The following LEF1 variants were observed in gnomAD, a reference collection of about 807,000 sequenced individuals.
The protein encoded by LEF1 is lymphoid enhancer-binding factor 1.
LEF1 carries 14 observed loss-of-function variants against 51.2 expected under a neutral mutation model. That is an observed-to-expected ratio of 0.27 (90% confidence interval 0.18 to 0.43). The LOEUF (loss-of-function observed/expected upper bound fraction) is 0.43. Ranked by LOEUF, LEF1 falls within the 20% of genes least tolerant of loss-of-function variation. The pLI is 1.00. For synonymous variants in LEF1, 185 were observed against 183.2 expected, an observed-to-expected ratio of 1.01 and a Z score of -0.08; for missense variants, 386 against 512.0, an observed-to-expected ratio of 0.75 and a Z score of 2.37.
chr4:108,064,361 T>C lies in LEF1; in HGVS notation c.1140A>G (p.Arg380=). 6.2e-7 allele frequency: 1 copy of C among 1,612,092 alleles called. No homozygotes were observed. Among genetic ancestry groups the C allele is most frequent in the South Asian group, 1.1e-5 (1 of 90,972 alleles). ...DNYGKKKKRK[R]EKLQESASGT... ...CTGATGCAGATTCCTGTAGTTTCTC[T>C]CTCTTCCTCTTCTTTTTCTTACCCT... The change falls in exon 10 of 12, where the codon AGA becomes AGG. Residue 380 remains arginine, a synonymous_variant. Coordinates refer to ENST00000265165, the MANE Select transcript of LEF1 (RefSeq NM_016269.5).
intron 3 of LEF1, among the ~76,000 whole-genome samples, chr4:108,118,771 C>T (rs1022896932): frequency 6.6e-5 from 10 of 152,102 alleles, no homozygotes; most frequent in African/African-American, 2.2e-4. Context: ...TGTACTGAAC[C>T]TGTGTGGTTA....
At chr4:108,117,528 A>G (rs532079789) in intron 3 of LEF1, among the ~76,000 whole-genome samples, 133 of 152,370 alleles carry the variant, frequency 8.7e-4, no homozygotes, top group African/African-American at 3.0e-3. Context: ...GCTACGCCAC[A>G]GTGCTCAGAA....
At chr4:108,101,280 T>G (rs1171558699) in intron 3 of LEF1, among the ~76,000 whole-genome samples, 2 of 152,206 alleles carry the variant, frequency 1.3e-5, no homozygotes, top group African/African-American at 2.4e-5. Flanking sequence ...AAAGAATAAT[T>G]AATGCAGCTT....
chr4:108,163,303 T>C (rs1372505450), intron 3 of LEF1, among the ~76,000 whole-genome samples: 9 of 152,204 alleles, frequency 5.9e-5, no homozygotes, highest in African/African-American at 2.2e-4. Context: ...CAGGGATTTG[T>C]TGATGTAACT....
At chr4:108,099,407 A>G (rs1203412288) in intron 3 of LEF1, among the ~76,000 whole-genome samples, 1 of 151,276 alleles carries the variant, frequency 6.6e-6, no homozygotes, top group East Asian at 1.9e-4. Flanking sequence ...ATGGGTAAAA[A>G]AACTGAAAAT....
At chr4:108,101,067 T>C (rs1414338295) in intron 3 of LEF1, among the ~76,000 whole-genome samples, 1 of 152,096 alleles carries the variant, frequency 6.6e-6, no homozygotes, top group African/African-American at 2.4e-5. Flanking sequence ...CAGCATTGGG[T>C]TTGAGTCACT....
intron 3 of LEF1, among the ~76,000 whole-genome samples, chr4:108,099,389 G>T (rs927885179): frequency 1.3e-5 from 2 of 150,986 alleles, no homozygotes; most frequent in African/African-American, 4.9e-5. Context: ...GTATGGAAAA[G>T]AACTCTTATG....
At chr4:108,102,944 G>A (rs1740924314) in intron 3 of LEF1, among the ~76,000 whole-genome samples, 1 of 152,186 alleles carries the variant, frequency 6.6e-6, no homozygotes. Context: ...TGCAAGAAAG[G>A]TATTAATAAA....
intron 3 of LEF1, among the ~76,000 whole-genome samples, chr4:108,106,094 C>T (rs1178804378): frequency 1.3e-5 from 2 of 152,152 alleles, no homozygotes; most frequent in African/African-American, 4.8e-5. Flanking sequence ...GAGGTGAGCC[C>T]AGATATGGCT....
At chr4:108,097,663 G>A (rs1008601132) in intron 3 of LEF1, among the ~76,000 whole-genome samples, 1 of 152,086 alleles carries the variant, frequency 6.6e-6, no homozygotes, top group African/African-American at 2.4e-5. Context: ...ACTACACCTT[G>A]TATGCCTATA....
In LEF1 at chr4:108,135,572, C is replaced by T. The variant is rs137867408; in HGVS notation, c.414+27996G>A. On this transcript the variant is annotated intron_variant, in intron 3 of 11. Transcript: ENST00000265165. ...TTATTCCCACTGGGGGACTGGCATGCCCCAGGAGAGGTACAGTGCTGTGTC... is the reference window on the plus strand; with the variant it reads ...TTATTCCCACTGGGGGACTGGCATGTCCCAGGAGAGGTACAGTGCTGTGTC... Among the ~76,000 whole-genome samples, 1,343 of 152,244 alleles carry T rather than the reference C, an allele frequency of 8.8e-3. 19 individuals carry two copies. The highest frequency in any genetic ancestry group is 0.03 in the African/African-American group (1,228 of 41,540).
intron 3 of LEF1, among the ~76,000 whole-genome samples, chr4:108,092,916 G>GT (rs1740119026): frequency 1.9e-4 from 1 of 5,298 alleles, no homozygotes; most frequent in Non-Finnish European, 4.2e-4. Flanking sequence ...CAATGAATAT[G>GT]TAAAAAAAAA....
intron 3 of LEF1, among the ~76,000 whole-genome samples, chr4:108,162,391 A>G (rs1321920019): frequency 6.6e-6 from 1 of 152,214 alleles, no homozygotes. Context: ...TATCATTTCA[A>G]CAACTGAAGA....
Position 108,047,927 on chromosome 4 carries a change from A to C in LEF1, c.*831T>G, listed in dbSNP as rs550463547. On this transcript the variant is annotated 3_prime_UTR_variant, in exon 12 of 12. Transcript: ENST00000265165. Reference sequence around the variant, plus strand: ...AAAATAAACTGAAATAGGGCTGCCAATTGCTACCAACAGAGTGGGTTTGGC... The same window carrying C: ...AAAATAAACTGAAATAGGGCTGCCACTTGCTACCAACAGAGTGGGTTTGGC... The C allele has an allele frequency of 6.5e-6, 1 of 152,740 alleles. No homozygotes were observed. The highest frequency in any genetic ancestry group is 2.4e-5 in the African/African-American group (1 of 41,562). The allele number at this position is 152,740 out of a possible 1,614,324, so 9.5% of individuals were successfully genotyped here.
In LEF1 at chr4:108,064,619, G is replaced by A. The variant is rs184305501; in HGVS notation, c.1117-235C>T. 2.0e-4 allele frequency among the ~76,000 whole-genome samples: 31 copies of A among 151,224 alleles called. No homozygotes were observed. In the East Asian group the frequency reaches 3.7e-3, roughly 18 times the overall value. On this transcript the variant is annotated intron_variant, in intron 9 of 11. Transcript: ENST00000265165. ...ATTTAACATCATCAATATTGACACCGTGGGTAGACACTTTGTCTCTCTCTC... is the reference window on the plus strand; with the variant it reads ...ATTTAACATCATCAATATTGACACCATGGGTAGACACTTTGTCTCTCTCTC...
intron 8 of LEF1, among the ~76,000 whole-genome samples, chr4:108,074,508 G>C (rs1442288900): frequency 1.3e-5 from 2 of 152,150 alleles, no homozygotes; most frequent in African/African-American, 4.8e-5. Flanking sequence ...CACTATTTTA[G>C]AGATATAGTA....
intron 2 of LEF1, among the ~76,000 whole-genome samples, 174 bp downstream of exon 2, chr4:108,164,923 T>C (rs1385454347): frequency 6.6e-6 from 1 of 152,188 alleles, no homozygotes; most frequent in Non-Finnish European, 1.5e-5. Context: ...TTAAATTATG[T>C]AATATATATT....
chr4:108,143,645 G>A (rs768647615), intron 3 of LEF1, among the ~76,000 whole-genome samples: 30 of 152,150 alleles, frequency 2.0e-4, no homozygotes, highest in Non-Finnish European at 2.9e-4. Flanking sequence ...AATATACGGC[G>A]CCCCCTCAAT....
At chr4:108,105,227 C>T (rs570049697) in intron 3 of LEF1, among the ~76,000 whole-genome samples, 1 of 145,314 alleles carries the variant, frequency 6.9e-6, no homozygotes, top group East Asian at 2.0e-4. Context: ...GTTGCCCAGG[C>T]TGGAGTGCAG....
Sources: allele counts gnomAD v4.1 joint callset (sites outside exome capture counted in the v4.1 genomes callset), GRCh38; gene constraint gnomAD v4.1.1; transcripts MANE v1.5; gene names NCBI Gene and HGNC (gene_info 2026-07-23, HGNC 2026-07-21).